The following NR3C2 variants were observed in gnomAD, a reference collection of about 807,000 sequenced individuals.
The protein encoded by NR3C2 is nuclear receptor subfamily 3 group C member 2, also known as mineralocorticoid receptor.
Under a neutral mutation model 86.4 loss-of-function variants are expected in NR3C2, and 15 were observed. The ratio of observed to expected loss-of-function variants is 0.17; its 90% CI spans 0.12 to 0.27. NR3C2 has a LOEUF of 0.27. Among genes scored for constraint, NR3C2 ranks in the 10% least tolerant of loss-of-function variants. NR3C2 has a pLI of 1.00. For synonymous variants in NR3C2, 458 were observed against 450.5 expected (o/e 1.02, Z -0.21); for missense variants, 960 against 1,195.6 (o/e 0.80, Z 2.91).
intron 4 of NR3C2, among the ~76,000 whole-genome samples, chr4:148,186,395 G>C (rs1735891703): frequency 6.6e-6 from 1 of 151,830 alleles, no homozygotes; most frequent in African/African-American, 2.4e-5. Context: ...ATTTCCTCCA[G>C]TTTCATATTG....
chr4:148,189,815 T>C (rs1329351728), intron 4 of NR3C2, among the ~76,000 whole-genome samples: 2 of 152,196 alleles, frequency 1.3e-5, no homozygotes, highest in Non-Finnish European at 2.9e-5. Context: ...GGTTTTCTAG[T>C]TTATGTGTGT....
At chr4:148,306,154 T>TA (rs1742610963) in intron 2 of NR3C2, among the ~76,000 whole-genome samples, 1 of 152,252 alleles carries the variant, frequency 6.6e-6, no homozygotes, top group Non-Finnish European at 1.5e-5. Flanking sequence ...GGTGCTGTTC[T>TA]AGGCAATCTT....
At chr4:148,362,308 AAGG>A (rs2150004899) in intron 2 of NR3C2, among the ~76,000 whole-genome samples, 1 of 152,286 alleles carries the variant, frequency 6.6e-6, no homozygotes, top group African/African-American at 2.4e-5. Context: ...TTTCATATAG[AAGG>A]AGGATACTGA....
intron 2 of NR3C2, among the ~76,000 whole-genome samples, chr4:148,313,009 T>C (rs1014342364): frequency 1.3e-5 from 2 of 152,106 alleles, no homozygotes; most frequent in Admixed American, 1.3e-4. Context: ...AAATTAACAC[T>C]CTTCAAAGGC....
chr4:148,194,825 G>A lies in NR3C2; in HGVS notation c.1935C>T (p.Cys645=). 6.2e-7 allele frequency: 1 copy of A among 1,612,042 alleles called. No homozygotes were observed. Among genetic ancestry groups the A allele is most frequent in the African/African-American group, 1.3e-5 (1 of 74,992 alleles). Residue 645 remains cysteine, a synonymous_variant, in exon 4 of 9, where the codon TGC becomes TGT. Coordinates refer to ENST00000358102, the MANE Select transcript of NR3C2 (RefSeq NM_000901.5). The stretch of plus-strand genomic sequence containing the variant: ...TCTTTCGTCGAATCTTATCAATGAT[G>A]CAATCATTTCTTCCAGCACATAAAT... ...HNYLCAGRND[C]IIDKIRRKNC... is the part of the protein sequence containing the mutation.
At chr4:148,169,239 C>A (rs1735015726) in intron 4 of NR3C2, among the ~76,000 whole-genome samples, 2 of 152,120 alleles carry the variant, frequency 1.3e-5, no homozygotes, top group South Asian at 2.1e-4. Flanking sequence ...GTTAAGAAAT[C>A]ACTTACATAA....
Position 148,320,747 on chromosome 4 carries a change from G to A in NR3C2, c.1758-60630C>T, listed in dbSNP as rs1003747533. Among the ~76,000 whole-genome samples, 288 of 151,760 alleles carry A rather than the reference G, an allele frequency of 1.9e-3. 1 individual carries two copies. Among genetic ancestry groups the A allele is most frequent in the Non-Finnish European group, 2.6e-3 (175 of 67,906 alleles). The stretch of plus-strand genomic sequence containing the variant: ...ATCCCCTTTATCATTTTTTTATTGC[G>A]TCTATTTGATTCTTCTCTCTTTTTT... On this transcript the variant is annotated intron_variant, in intron 2 of 8. Coordinates refer to ENST00000358102, the MANE Select transcript of NR3C2 (RefSeq NM_000901.5).
chr4:148,382,044 G>A (rs17581905), intron 2 of NR3C2, among the ~76,000 whole-genome samples: 15,623 of 152,164 alleles, frequency 0.1, 971 homozygotes, highest in Middle Eastern at 0.3. Context: ...GATCAGTGTA[G>A]GCAATTAAAT....
chr4:148,134,589 TAAG>T (rs1023524660), intron 6 of NR3C2, among the ~76,000 whole-genome samples: 1 of 149,780 alleles, frequency 6.7e-6, no homozygotes, highest in African/African-American at 2.5e-5. Context: ...CAGTGAGTGT[TAAG>T]GACAACACCT....
chr4:148,128,028 A>G (rs1732831405), intron 6 of NR3C2, among the ~76,000 whole-genome samples: 1 of 152,144 alleles, frequency 6.6e-6, no homozygotes, highest in Admixed American at 6.5e-5. Context: ...CTTTGGAGAG[A>G]ATTTGGGGTT....
At chr4:148,215,043 G>A (rs1737459912) in intron 3 of NR3C2, among the ~76,000 whole-genome samples, 2 of 152,118 alleles carry the variant, frequency 1.3e-5, no homozygotes, top group South Asian at 2.1e-4. Flanking sequence ...AAGCCCTACT[G>A]GGCAGGATTC....
At chr4:148,227,106 A>G (rs939130686) in intron 3 of NR3C2, among the ~76,000 whole-genome samples, 1 of 152,174 alleles carries the variant, frequency 6.6e-6, no homozygotes, top group African/African-American at 2.4e-5. Context: ...CACTTTTCTT[A>G]TATTTCATCG....
At chr4:148,232,746 A>G (rs998525770) in intron 3 of NR3C2, among the ~76,000 whole-genome samples, 3 of 152,196 alleles carry the variant, frequency 2.0e-5, no homozygotes, top group Non-Finnish European at 2.9e-5. Context: ...TTGAACATCT[A>G]TTGTTTAGTG....
At chr4:148,138,059 A>G (rs915695820) in intron 6 of NR3C2, among the ~76,000 whole-genome samples, 1 of 152,216 alleles carries the variant, frequency 6.6e-6, no homozygotes, top group African/African-American at 2.4e-5. Context: ...TTACATAAAG[A>G]AAAGCTCGTT....
At chr4:148,109,596 CTTA>C (rs1731960313) in intron 8 of NR3C2, among the ~76,000 whole-genome samples, 1 of 152,140 alleles carries the variant, frequency 6.6e-6, no homozygotes, top group African/African-American at 2.4e-5. Context: ...GTAAACTAAG[CTTA>C]TTTACCATTC....
At chr4:148,257,567 A>G (rs1429779202) in intron 3 of NR3C2, among the ~76,000 whole-genome samples, 3 of 152,184 alleles carry the variant, frequency 2.0e-5, no homozygotes, top group African/African-American at 7.2e-5. Flanking sequence ...GTCTTCATCT[A>G]GAAAAGGAAA....
intron 3 of NR3C2, among the ~76,000 whole-genome samples, chr4:148,228,239 A>G (rs375781185): frequency 1.3e-5 from 2 of 150,804 alleles, no homozygotes; most frequent in East Asian, 2.0e-4. Context: ...TACGTGTATT[A>G]TATATTTTCT....
chr4:148,146,304 C>T lies in NR3C2; in HGVS notation c.2510+6165G>A, dbSNP rs567217756. 2.3e-4 allele frequency among the ~76,000 whole-genome samples: 35 copies of T among 152,240 alleles called. 1 individual carries two copies. The East Asian group carries it at 6.0e-3, about 26-fold the overall frequency. Reference sequence around the variant, plus strand: ...CCCTGTGGGAAGGGACACTGGGGCTCGCCATACCTCCAACCACCCCTGGCC... The same window carrying T: ...CCCTGTGGGAAGGGACACTGGGGCTTGCCATACCTCCAACCACCCCTGGCC... On this transcript the variant is annotated intron_variant, in intron 6 of 8. Transcript: ENST00000358102.
chr4:148,363,725 G>A (rs1407535451), intron 2 of NR3C2, among the ~76,000 whole-genome samples: 2 of 152,018 alleles, frequency 1.3e-5, no homozygotes, highest in African/African-American at 4.8e-5. Flanking sequence ...GGATGGTCTC[G>A]ATCTCCTGAC....
Sources: gnomAD v4.1 joint callset for allele counts (sites outside exome capture counted in the v4.1 genomes callset) on GRCh38, gnomAD v4.1.1 for gene constraint, MANE v1.5 for transcripts, NCBI Gene and HGNC (gene_info 2026-07-23, HGNC 2026-07-21) for gene names.